LHFPL3: variants seen among roughly 807,000 people sequenced by gnomAD.
LHFPL3 encodes the protein LHFPL tetraspan subfamily member 3.
In LHFPL3, 5 loss-of-function variants were observed where a neutral mutation model predicts 19.3. The ratio of observed to expected loss-of-function variants is 0.26; its 90% CI spans 0.14 to 0.54. LHFPL3 has a LOEUF of 0.54. Ranked by LOEUF, LHFPL3 falls within the 20% of genes least tolerant of loss-of-function variation. The pLI, the probability that LHFPL3 is intolerant of heterozygous loss-of-function variation, is 0.94. For synonymous variants in LHFPL3, 133 were observed against 126.2 expected (o/e 1.05, Z -0.36); for missense variants, 249 against 307.4 (o/e 0.81, Z 1.42).
chr7:104,523,217 C>T (rs1794112246), intron 1 of LHFPL3, among the ~76,000 whole-genome samples: 1 of 152,092 alleles, frequency 6.6e-6, no homozygotes, highest in African/African-American at 2.4e-5. Context: ...TCCTAGAACC[C>T]TTGCCATGTG....
At chr7:104,593,003 A>G (rs1790759000) in intron 1 of LHFPL3, among the ~76,000 whole-genome samples, 1 of 151,902 alleles carries the variant, frequency 6.6e-6, no homozygotes, top group Admixed American at 6.6e-5. Context: ...GGATTCATTG[A>G]TTTTTTTTGA....
chr7:104,892,708 CAAAAA>C (rs35855839), intron 2 of LHFPL3, among the ~76,000 whole-genome samples: 2 of 68,466 alleles, frequency 2.9e-5, no homozygotes, highest in Non-Finnish European at 5.5e-5. Context: ...GAGACTGTCT[CAAAAA>C]AAAAAAAAAA....
At chr7:104,569,372 A>C (rs1025956693) in intron 1 of LHFPL3, among the ~76,000 whole-genome samples, 7 of 152,216 alleles carry the variant, frequency 4.6e-5, no homozygotes, top group African/African-American at 1.7e-4. Context: ...TGAATGAATG[A>C]CATTTGACCT....
rs1440225326 is a variant in LHFPL3, at chr7:104,399,083, G to A, written c.445+69859G>A. Among the ~76,000 whole-genome samples, 3 of 152,128 alleles carry A rather than the reference G, an allele frequency of 2.0e-5. No individual in the cohort carries two copies. The highest frequency in any genetic ancestry group is 7.2e-5 in the African/African-American group (3 of 41,416). ...AAACGCTAGTTTCCAGAAAGTTCCT[G>A]TGTGCTACTGAAAGACACACAGGAT... On this transcript the variant is annotated intron_variant, in intron 1 of 2. Transcript: ENST00000424859. The surrounding 1 kb of genome is among the most constrained non-coding windows in gnomAD (Gnocchi z 4.4).
At chr7:104,370,700 G>A (rs756858) in intron 1 of LHFPL3, among the ~76,000 whole-genome samples, 60,080 of 151,912 alleles carry the variant, frequency 0.4, 12,124 homozygotes, top group East Asian at 0.47. Context: ...TGGCCAACAT[G>A]GTGAAACCCG....
chr7:104,426,807 T>C (rs1267249959), intron 1 of LHFPL3, among the ~76,000 whole-genome samples: 4 of 152,222 alleles, frequency 2.6e-5, no homozygotes, highest in Non-Finnish European at 4.4e-5. Flanking sequence ...TACCTTTTGA[T>C]GTATGTCTTA....
chr7:104,403,725 TTCTCTCTCTCTCTCTC>T lies in LHFPL3; in HGVS notation c.445+74520_445+74535del, dbSNP rs71786184. Among the ~76,000 whole-genome samples the T allele has an allele frequency of 5.6e-5, 8 of 143,706 alleles. No homozygotes were observed. The South Asian group carries it at 6.8e-4, about 12-fold the overall frequency. The allele number at this position is 143,706 out of a possible 152,430, so 94.3% of individuals were successfully genotyped here. A position where few individuals can be genotyped will look rare whatever the true frequency, so the allele number is the denominator to read the frequency against. ...AATCTAATCATGTCCTTAGTGAACA[TTCTCTCTCTCTCTCTC>T]TCTCTCTCTCTCTCTCTCATCATTA... On this transcript the variant is annotated intron_variant, in intron 1 of 2. Coordinates refer to ENST00000424859, the MANE Select transcript of LHFPL3 (RefSeq NM_199000.3).
At chr7:104,575,145 T>G (rs935206804) in intron 1 of LHFPL3, among the ~76,000 whole-genome samples, 1 of 152,196 alleles carries the variant, frequency 6.6e-6, no homozygotes, top group Admixed American at 6.5e-5. Context: ...AAATGACCGA[T>G]TATTTCAATG....
chr7:104,469,708 G>A (rs1464722591), intron 1 of LHFPL3, among the ~76,000 whole-genome samples: 4 of 151,986 alleles, frequency 2.6e-5, no homozygotes, highest in Admixed American at 6.6e-5. Flanking sequence ...TTCTGTTTCC[G>A]AATAACAAAT....
At chr7:104,342,336 G>A (rs1176052734) in intron 1 of LHFPL3, among the ~76,000 whole-genome samples, 1 of 151,924 alleles carries the variant, frequency 6.6e-6, no homozygotes, top group Non-Finnish European at 1.5e-5. Context: ...CCCATTTCTT[G>A]GGAAACTTTA....
At chr7:104,866,784 C>A (rs576015259) in intron 2 of LHFPL3, among the ~76,000 whole-genome samples, 1 of 152,192 alleles carries the variant, frequency 6.6e-6, no homozygotes, top group Admixed American at 6.5e-5. Flanking sequence ...TTCTTTTCAG[C>A]ACCACACAGC....
chr7:104,625,051 C>T (rs1360074149), intron 1 of LHFPL3, among the ~76,000 whole-genome samples: 1 of 152,166 alleles, frequency 6.6e-6, no homozygotes, highest in African/African-American at 2.4e-5. Context: ...TAGGTGACAC[C>T]TGCCTGTAGG....
At chr7:104,825,121 C>T (rs1261613494) in intron 2 of LHFPL3, among the ~76,000 whole-genome samples, 2 of 150,588 alleles carry the variant, frequency 1.3e-5, no homozygotes, top group Non-Finnish European at 2.9e-5. Context: ...TAAGATCTAA[C>T]AGCTGCAGTG....
intron 1 of LHFPL3, among the ~76,000 whole-genome samples, chr7:104,362,632 A>G (rs972319247): frequency 3.3e-5 from 5 of 152,190 alleles, no homozygotes; most frequent in Admixed American, 1.3e-4. Context: ...GCCCAGATAG[A>G]GCCAATTTAT....
intron 1 of LHFPL3, among the ~76,000 whole-genome samples, chr7:104,548,721 T>C (rs1259031776): frequency 1.3e-5 from 2 of 152,142 alleles, no homozygotes; most frequent in Non-Finnish European, 2.9e-5. Flanking sequence ...AGGAATGAGG[T>C]ACTTACCTCC....
Position 104,328,751 on chromosome 7 carries a change from GGAGGA to G in LHFPL3, c.-27_-23del. 1 of 1,040,054 alleles carries G rather than the reference GGAGGA, an allele frequency of 9.6e-7. No homozygotes were observed. Among genetic ancestry groups the G allele is most frequent in the Non-Finnish European group, 1.2e-6 (1 of 813,530 alleles). 64.4% of individuals were successfully genotyped at this position (1,040,054 alleles called of 1,614,324 possible). On this transcript the variant is annotated 5_prime_UTR_variant, in exon 1 of 3. Coordinates refer to ENST00000424859, the MANE Select transcript of LHFPL3 (RefSeq NM_199000.3). The surrounding 1 kb of genome is among the most constrained non-coding windows in gnomAD (Gnocchi z 4.6). ...GGCGGGGGGAGGCGGAGGACCAGGAGGAGGAGGAGGAGGAGGAGGAGGGGGAGAAT... is the reference window on the plus strand; with the variant it reads ...GGCGGGGGGAGGCGGAGGACCAGGAGGGAGGAGGAGGAGGAGGGGGAGAAT...
At position 104,328,746 on chromosome 7, in the gene LHFPL3, C is replaced by CAGGAGGAGG. The variant is rs71794813; in HGVS notation, c.-15_-7dup. ...TGAGAGGCGGGGGGAGGCGGAGGAC[C>CAGGAGGAGG]AGGAGGAGGAGGAGGAGGAGGAGGA... is the stretch of plus-strand genomic sequence containing the variant. On this transcript the variant is annotated 5_prime_UTR_variant, in exon 1 of 3. Coordinates refer to ENST00000424859, the MANE Select transcript of LHFPL3 (RefSeq NM_199000.3). The surrounding 1 kb of genome is among the most constrained non-coding windows in gnomAD (Gnocchi z 4.6). 6.9e-5 allele frequency: 103 copies of CAGGAGGAGG among 1,490,082 alleles called. No homozygotes were observed. The highest frequency in any genetic ancestry group is 5.8e-4 in the African/African-American group (41 of 71,124). The allele number at this position is 1,490,082 out of a possible 1,614,324, so 92.3% of individuals were successfully genotyped here.
intron 1 of LHFPL3, among the ~76,000 whole-genome samples, chr7:104,336,587 T>C (rs1789814730): frequency 1.3e-5 from 2 of 152,008 alleles, no homozygotes; most frequent in South Asian, 4.1e-4. Flanking sequence ...CATATCTGAC[T>C]ACTATTGGCT....
At position 104,497,425 on chromosome 7, in the gene LHFPL3, C is replaced by T. The variant is rs532477491; in HGVS notation, c.445+168201C>T. Among the ~76,000 whole-genome samples, 23 of 150,954 alleles carry T rather than the reference C, an allele frequency of 1.5e-4. No homozygotes were observed. In the South Asian group the frequency reaches 2.9e-3, roughly 19 times the overall value. On this transcript the variant is annotated intron_variant, in intron 1 of 2. Transcript: ENST00000424859. ...TACACACACACAGGTACACATATAA[C>T]GTGAGGGGATATATGCAGTAAAGGT...
Sources: gnomAD v4.1 joint callset for allele counts (sites outside exome capture counted in the v4.1 genomes callset) on GRCh38, gnomAD v4.1.1 for gene constraint, Gnocchi (gnomAD v3.1) non-coding constraint, MANE v1.5 for transcripts, NCBI Gene and HGNC (gene_info 2026-07-23, HGNC 2026-07-21) for gene names.